KLRF1: variants seen among roughly 807,000 people sequenced by gnomAD.
KLRF1 encodes the protein killer cell lectin like receptor F1.
In KLRF1, 27 loss-of-function variants were observed where a neutral mutation model predicts 30.7. That is an observed-to-expected ratio of 0.88 (90% CI 0.65 to 1.21). KLRF1 has a LOEUF of 1.21. Ranked by LOEUF, KLRF1 falls within the 50% of genes most tolerant of loss-of-function variation. The probability of loss-of-function intolerance (pLI) is 0.00; values close to 1 mark genes in which losing one functional copy is unlikely to be tolerated. For synonymous variants in KLRF1, 92 were observed against 89.3 expected, an observed-to-expected ratio of 1.03 and a Z score of -0.17; for missense variants, 246 against 259.3, an observed-to-expected ratio of 0.95 and a Z score of 0.35.
At chr12:9,814,648 G>A in the KLRF1 span, among the ~76,000 whole-genome samples, 1 of 152,188 alleles carries the variant, frequency 6.6e-6, no homozygotes, top group Non-Finnish European at 1.5e-5. Context: ...CCTGAGGTTG[G>A]ACCCGCAAAG....
upstream of KLRF1, among the ~76,000 whole-genome samples, chr12:9,822,536 A>G (rs146015106): frequency 1.3e-5 from 2 of 152,332 alleles, no homozygotes; most frequent in East Asian, 3.9e-4. Flanking sequence ...CAAATCATCG[A>G]CATCCCTGAA....
the KLRF1 span, among the ~76,000 whole-genome samples, chr12:9,804,559 T>C: frequency 6.6e-6 from 1 of 152,230 alleles, no homozygotes; most frequent in East Asian, 1.9e-4. Context: ...AAAAGTTTTA[T>C]TGTTTTTCTG....
the KLRF1 span, among the ~76,000 whole-genome samples, chr12:9,822,144 C>G: frequency 2.0e-5 from 3 of 152,174 alleles, no homozygotes; most frequent in Non-Finnish European, 2.9e-5. Context: ...GCTAGTTATC[C>G]AACAAGGGTT....
chr12:9,804,129 G>A, the KLRF1 span, among the ~76,000 whole-genome samples: 2 of 151,862 alleles, frequency 1.3e-5, no homozygotes, highest in Admixed American at 6.6e-5. Flanking sequence ...AGCTATCCTA[G>A]TGGGCATGAA....
At chr12:9,819,587 C>A in the KLRF1 span, among the ~76,000 whole-genome samples, 1 of 152,130 alleles carries the variant, frequency 6.6e-6, no homozygotes, top group African/African-American at 2.4e-5. Flanking sequence ...TGAGCAAAAT[C>A]TCCTCACTGA....
At chr12:9,810,846 G>A in the KLRF1 span, among the ~76,000 whole-genome samples, 558 of 152,232 alleles carry the variant, frequency 3.7e-3, 4 homozygotes, top group African/African-American at 0.012. Flanking sequence ...GTGTCAATAA[G>A]CAAAAGAACT....
Position 9,833,429 on chromosome 12 carries a change from C to T in KLRF1, c.311C>T (p.Ala104Val), listed in dbSNP as rs1488009354. 13 of 1,608,606 alleles carry T rather than the reference C, an allele frequency of 8.1e-6. No homozygotes were observed. Among genetic ancestry groups the T allele is most frequent in the Admixed American group, 3.4e-5 (2 of 59,238 alleles). ...RRNISNKDLC[A>V]SRSADQTVLC... is the part of the protein sequence containing the mutation. ...AATATAAGTAATAAGGACCTTTGTG[C>T]TTCGAGATCTGCAGACCAGACAGGT... The change falls in exon 3 of 6, where the codon GCT (alanine) becomes GTT (valine). Residue 104 changes from alanine (A) to valine (V), a missense_variant. Physicochemically the swap from Ala to Val is moderately conservative, Grantham distance 64 (BLOSUM62 0). Transcript: ENST00000617889.
the KLRF1 span, among the ~76,000 whole-genome samples, chr12:9,812,087 C>T: frequency 6.6e-6 from 1 of 152,108 alleles, no homozygotes; most frequent in Non-Finnish European, 1.5e-5. Flanking sequence ...TGGGTCTGGC[C>T]GGGCGCGGTG....
the KLRF1 span, among the ~76,000 whole-genome samples, chr12:9,817,119 T>C: frequency 1.3e-5 from 2 of 152,190 alleles, no homozygotes; most frequent in African/African-American, 2.4e-5. Context: ...GGGCTTCAGA[T>C]CTACCCTGTC....
At chr12:9,835,900 T>C (rs900198052) in intron 3 of KLRF1, among the ~76,000 whole-genome samples, 2 of 152,054 alleles carry the variant, frequency 1.3e-5, no homozygotes, top group African/African-American at 4.8e-5. Context: ...TGATATGAAA[T>C]GTCTGGGGAG....
At chr12:9,830,412 T>G (rs1867388697) in intron 1 of KLRF1, among the ~76,000 whole-genome samples, 1 of 152,124 alleles carries the variant, frequency 6.6e-6, no homozygotes, top group African/African-American at 2.4e-5. Flanking sequence ...AATATTTTTC[T>G]TCATTGAATT....
At chr12:9,843,055 T>C (rs1361724339) in intron 5 of KLRF1, among the ~76,000 whole-genome samples, 1 of 152,154 alleles carries the variant, frequency 6.6e-6, no homozygotes, top group East Asian at 1.9e-4. Context: ...CCTTTGCAGG[T>C]ATGATTAAAT....
the KLRF1 span, chr12:9,817,705 T>A: frequency 8.9e-6 from 2 of 225,136 alleles, no homozygotes; most frequent in Non-Finnish European, 1.9e-5. Context: ...ATATTTTTGG[T>A]CTTTGCCTGT....
chr12:9,806,442 C>T, the KLRF1 span, among the ~76,000 whole-genome samples: 5 of 151,998 alleles, frequency 3.3e-5, no homozygotes, highest in East Asian at 3.9e-4. Flanking sequence ...TAGCCCAGGT[C>T]GCTTAATACT....
chr12:9,820,293 A>G, the KLRF1 span, among the ~76,000 whole-genome samples: 3 of 152,056 alleles, frequency 2.0e-5, no homozygotes, highest in Admixed American at 2.0e-4. Context: ...ACTGGAGTGG[A>G]CTCCCAGAAT....
the KLRF1 span, chr12:9,817,534 A>C: frequency 2.5e-5 from 9 of 367,342 alleles, no homozygotes; most frequent in Admixed American, 3.9e-5. Flanking sequence ...TCAAGCAAGA[A>C]ACATCCAGGG....
intron 3 of KLRF1, among the ~76,000 whole-genome samples, chr12:9,833,900 A>AATTTTTTTTTTTTTTTTTTT (rs1867506421): frequency 8.3e-6 from 1 of 120,748 alleles, no homozygotes. Flanking sequence ...TAAATGTTTA[A>AATTTTTTTTTTTTTTTTTTT]CTTTTTTTTT....
At chr12:9,838,879 A>T (rs995134178) in intron 3 of KLRF1, among the ~76,000 whole-genome samples, 1 of 152,034 alleles carries the variant, frequency 6.6e-6, no homozygotes. Flanking sequence ...TTTAGTACAC[A>T]TTTTTCAGGA....
the KLRF1 span, among the ~76,000 whole-genome samples, chr12:9,811,073 G>A: frequency 1.4e-4 from 22 of 151,960 alleles, no homozygotes; most frequent in African/African-American, 5.3e-4. Flanking sequence ...CTCATACAAA[G>A]CAGCCATTTG....
Sources: allele counts gnomAD v4.1 joint callset (sites outside exome capture counted in the v4.1 genomes callset), GRCh38; gene constraint gnomAD v4.1.1; transcripts MANE v1.5; gene names NCBI Gene and HGNC (gene_info 2026-07-23, HGNC 2026-07-21).